DPYD: variants seen among roughly 807,000 people sequenced by gnomAD.
DPYD encodes the protein dihydropyrimidine dehydrogenase [NADP(+)].
In DPYD, 109 loss-of-function variants were observed where a neutral mutation model predicts 116.2. The observed-to-expected ratio is 0.94, with a 90% CI of 0.80 to 1.10. DPYD has a LOEUF of 1.10. Ranked by LOEUF, DPYD falls within the 50% of genes least tolerant of loss-of-function variation. The pLI is 0.00. For missense variants in DPYD, 1,302 were observed against 1,254.5 expected (o/e 1.04, Z -0.57); for synonymous variants, 440 against 432.0 (o/e 1.02, Z -0.23).
chr1:97,844,186 T>C (rs1268262139), intron 2 of DPYD, among the ~76,000 whole-genome samples: 1 of 152,188 alleles, frequency 6.6e-6, no homozygotes, highest in Non-Finnish European at 1.5e-5. Flanking sequence ...TCACAGAGAA[T>C]CTTGCCAAAC....
chr1:97,207,222 A>G (rs1570670616), intron 19 of DPYD, among the ~76,000 whole-genome samples: 3 of 152,228 alleles, frequency 2.0e-5, no homozygotes, highest in African/African-American at 7.2e-5. Context: ...TTTTCTCTCC[A>G]ATTATACGAA....
At chr1:97,487,875 C>G (rs1678737430) in intron 13 of DPYD, among the ~76,000 whole-genome samples, 1 of 152,076 alleles carries the variant, frequency 6.6e-6, no homozygotes, top group Non-Finnish European at 1.5e-5. Flanking sequence ...ACTTTTTAAT[C>G]AAATTAAACA....
intron 14 of DPYD, among the ~76,000 whole-genome samples, chr1:97,398,070 A>G (rs931822033): frequency 6.6e-6 from 1 of 152,004 alleles, no homozygotes; most frequent in Non-Finnish European, 1.5e-5. Context: ...TACATTAGGT[A>G]TATCTCCTAA....
chr1:97,908,941 C>G (rs1427432103), intron 1 of DPYD, among the ~76,000 whole-genome samples: 2 of 152,110 alleles, frequency 1.3e-5, no homozygotes, highest in Non-Finnish European at 2.9e-5. Flanking sequence ...TTAAACTTAT[C>G]TCTTTACATC....
chr1:97,864,947 G>C (rs1022591755), intron 2 of DPYD, among the ~76,000 whole-genome samples: 1 of 151,784 alleles, frequency 6.6e-6, no homozygotes, highest in African/African-American at 2.4e-5. Flanking sequence ...TATTTAGCTG[G>C]TTATATCTGT....
chr1:97,258,787 G>T (rs932304454), intron 18 of DPYD, among the ~76,000 whole-genome samples: 4 of 152,140 alleles, frequency 2.6e-5, no homozygotes, highest in Non-Finnish European at 5.9e-5. Flanking sequence ...TATGATGGTG[G>T]TGTTGCATAA....
At chr1:97,505,926 G>C (rs1647292200) in intron 13 of DPYD, among the ~76,000 whole-genome samples, 1 of 151,972 alleles carries the variant, frequency 6.6e-6, no homozygotes, top group African/African-American at 2.4e-5. Context: ...CTTAGCTGAA[G>C]TGAAAGAAGC....
At chr1:97,393,926 T>A (rs939667015) in intron 14 of DPYD, among the ~76,000 whole-genome samples, 1 of 152,156 alleles carries the variant, frequency 6.6e-6, no homozygotes, top group African/African-American at 2.4e-5. Context: ...AAAGTGTTCC[T>A]ATTTCTCCAT....
intron 12 of DPYD, among the ~76,000 whole-genome samples, chr1:97,542,375 T>C (rs1235868522): frequency 2.0e-5 from 3 of 152,168 alleles, no homozygotes; most frequent in Non-Finnish European, 4.4e-5. Context: ...TTTTATTGTT[T>C]GATTAGTGGA....
At chr1:97,496,089 C>A (rs1679249897) in intron 13 of DPYD, among the ~76,000 whole-genome samples, 1 of 152,044 alleles carries the variant, frequency 6.6e-6, no homozygotes, top group Non-Finnish European at 1.5e-5. Flanking sequence ...CTTTGCAAAA[C>A]AACAATAAAC....
intron 16 of DPYD, among the ~76,000 whole-genome samples, chr1:97,356,875 A>T (rs1670452669): frequency 6.6e-6 from 1 of 152,164 alleles, no homozygotes; most frequent in African/African-American, 2.4e-5. Context: ...TCCACTGGTC[A>T]ATTAGTCTAT....
chr1:97,739,727 C>T (rs1031195347), intron 4 of DPYD, among the ~76,000 whole-genome samples: 1 of 151,932 alleles, frequency 6.6e-6, no homozygotes, highest in Non-Finnish European at 1.5e-5. Context: ...CTTGGGCGAG[C>T]TCTCAATGCT....
At chr1:97,167,658 C>G (rs1415697514) in intron 20 of DPYD, among the ~76,000 whole-genome samples, 1 of 152,140 alleles carries the variant, frequency 6.6e-6, no homozygotes, top group African/African-American at 2.4e-5. Flanking sequence ...TGCTAACAAA[C>G]ATTCATTTAA....
chr1:97,713,663 T>C (rs945697100), intron 5 of DPYD, among the ~76,000 whole-genome samples: 1 of 152,166 alleles, frequency 6.6e-6, no homozygotes, highest in Non-Finnish European at 1.5e-5. Context: ...TCAAAGATGT[T>C]ACTTGTATTT....
At chr1:97,771,738 A>G (rs1666154091) in intron 3 of DPYD, among the ~76,000 whole-genome samples, 1 of 152,210 alleles carries the variant, frequency 6.6e-6, no homozygotes, top group South Asian at 2.1e-4. Context: ...GATAGACAGT[A>G]CGTTAGCCCC....
At chr1:97,610,588 C>T (rs1241902709) in intron 8 of DPYD, among the ~76,000 whole-genome samples, 1 of 152,028 alleles carries the variant, frequency 6.6e-6, no homozygotes, top group Non-Finnish European at 1.5e-5. Flanking sequence ...GAACTAAATA[C>T]TGAAAACTGT....
chr1:97,553,731 T>C (rs1651489963), intron 11 of DPYD, among the ~76,000 whole-genome samples: 1 of 152,054 alleles, frequency 6.6e-6, no homozygotes, highest in Admixed American at 6.6e-5. Flanking sequence ...AGATTTTCCA[T>C]GAGATTGCAT....
At chr1:97,278,428 G>T (rs1164018484) in intron 18 of DPYD, among the ~76,000 whole-genome samples, 1 of 152,198 alleles carries the variant, frequency 6.6e-6, no homozygotes, top group Non-Finnish European at 1.5e-5. Flanking sequence ...AAATGGACAG[G>T]GAAAGAGATG....
chr1:97,367,805 C>A (rs758326771), intron 16 of DPYD, among the ~76,000 whole-genome samples: 2 of 152,080 alleles, frequency 1.3e-5, no homozygotes, highest in South Asian at 2.1e-4. Flanking sequence ...TGGAATCCAT[C>A]GAGGGCTAGG....
Sources: allele counts gnomAD v4.1 joint callset (sites outside exome capture counted in the v4.1 genomes callset), GRCh38; gene constraint gnomAD v4.1.1; transcripts MANE v1.5; gene names NCBI Gene and HGNC (gene_info 2026-07-23, HGNC 2026-07-21).